APC: variants seen among roughly 807,000 people sequenced by gnomAD.
APC encodes the protein APC regulator of Wnt signaling pathway.
APC carries 72 observed loss-of-function variants against 247.0 expected under a neutral mutation model. The ratio of observed to expected loss-of-function variants is 0.29; its 90% CI spans 0.24 to 0.35. The LOEUF (loss-of-function observed/expected upper bound fraction) is 0.35, where lower values mean the gene tolerates loss of function less well. Ranked by LOEUF, APC falls within the 10% of genes least tolerant of loss-of-function variation. The pLI is 1.00. For synonymous variants in APC, 1,254 were observed against 1,162.5 expected, an observed-to-expected ratio of 1.08 and a Z score of -1.60; for missense variants, 3,400 against 3,360.7, an observed-to-expected ratio of 1.01 and a Z score of -0.29.
intron 1 of APC, among the ~76,000 whole-genome samples, chr5:112,708,285 G>A (rs565445911): frequency 5.3e-5 from 8 of 152,290 alleles, no homozygotes; most frequent in African/African-American, 1.9e-4. Flanking sequence ...CTGATAGCCC[G>A]GCATGTGGAG....
chr5:112,737,113 A>T (rs2149680566), upstream of APC, among the ~76,000 whole-genome samples: 1 of 152,338 alleles, frequency 6.6e-6, no homozygotes, highest in Non-Finnish European at 1.5e-5. Flanking sequence ...AATTTGCATT[A>T]AAATACTACA....
chr5:112,793,872 A>C (rs1420929780), intron 7 of APC, among the ~76,000 whole-genome samples: 1 of 152,198 alleles, frequency 6.6e-6, no homozygotes, highest in African/African-American at 2.4e-5. Flanking sequence ...ACTGGGGATA[A>C]AAAGAATATT....
chr5:112,732,312 A>T (rs1025694205), intron 1 of APC, among the ~76,000 whole-genome samples: 12 of 152,224 alleles, frequency 7.9e-5, no homozygotes, highest in Non-Finnish European at 1.3e-4. Flanking sequence ...CTGGCAGCAC[A>T]TACCAAAGCT....
intron 2 of APC, among the ~76,000 whole-genome samples, chr5:112,757,145 C>A (rs1405135051): frequency 6.6e-6 from 1 of 152,092 alleles, no homozygotes; most frequent in Non-Finnish European, 1.5e-5. Context: ...CTTGTGAATC[C>A]ATTAACATAT....
chr5:112,762,975 T>C (rs796693356), intron 2 of APC, among the ~76,000 whole-genome samples: 3 of 152,328 alleles, frequency 2.0e-5, no homozygotes, highest in African/African-American at 7.2e-5. Context: ...TACACAGATT[T>C]TGTTGATGAG....
intron 1 of APC, chr5:112,738,275 C>G (rs979704548): frequency 5.1e-6 from 5 of 985,222 alleles, no homozygotes; most frequent in South Asian, 4.7e-5. Flanking sequence ...TAGAGGACAA[C>G]AAAGAATGGA....
At chr5:112,721,887 G>A (rs1751501454) in intron 1 of APC, among the ~76,000 whole-genome samples, 1 of 151,894 alleles carries the variant, frequency 6.6e-6, no homozygotes, top group Admixed American at 6.6e-5. Context: ...AAAAAAAATT[G>A]CAGGAAAAAA....
chr5:112,833,594 G>A (rs954356188), intron 14 of APC, among the ~76,000 whole-genome samples: 37 of 152,264 alleles, frequency 2.4e-4, no homozygotes, highest in African/African-American at 8.7e-4. Context: ...AAAGTGCTGG[G>A]CCTGAAGGCA....
chr5:112,772,540 G>A (rs1182269638), intron 4 of APC, among the ~76,000 whole-genome samples: 3 of 139,210 alleles, frequency 2.2e-5, no homozygotes, highest in Middle Eastern at 3.9e-3. Flanking sequence ...TTTTTAAGAC[G>A]AAATCTCACT....
chr5:112,816,357 C>T (rs1167639953), intron 9 of APC, among the ~76,000 whole-genome samples: 3 of 152,144 alleles, frequency 2.0e-5, no homozygotes, highest in Non-Finnish European at 4.4e-5. Flanking sequence ...AGAGTGCCTG[C>T]ACATGAGTAA....
chr5:112,840,553 A>C lies in APC; in HGVS notation c.4959A>C (p.Thr1653=). 6.2e-7 allele frequency: 1 copy of C among 1,614,168 alleles called. No homozygotes were observed. Among genetic ancestry groups the C allele is most frequent in the Non-Finnish European group, 8.5e-7 (1 of 1,180,020 alleles). ...CVEGTPINFS[T]ATSLSDLTIE... is the part of the protein sequence containing the mutation. ...AAGGGACACCTATAAACTTTTCCAC[A>C]GCTACATCTCTAAGTGATCTAACAA... Residue 1653 remains threonine (T), a synonymous_variant, in exon 16 of 16, where the codon ACA becomes ACC. Transcript: ENST00000257430. This position sits in a 1 kb window ranked among gnomAD's most constrained non-coding sequence, Gnocchi z 4.1.
intron 1 of APC, among the ~76,000 whole-genome samples, chr5:112,712,584 G>A (rs538480270): frequency 2.0e-5 from 3 of 150,152 alleles, no homozygotes; most frequent in African/African-American, 7.4e-5. Context: ...TTAAGCGACC[G>A]GGGCTTGCTG....
intron 5 of APC, among the ~76,000 whole-genome samples, chr5:112,778,688 A>AGAC: frequency 6.6e-6 from 1 of 151,352 alleles, no homozygotes; most frequent in East Asian, 2.0e-4. Context: ...CTGGGACTAC[A>AGAC]GCATGCCACC....
chr5:112,822,959 C>T (rs1763291890), intron 11 of APC, among the ~76,000 whole-genome samples: 1 of 152,188 alleles, frequency 6.6e-6, no homozygotes, highest in Non-Finnish European at 1.5e-5. Context: ...AGATTTCAGG[C>T]CTGCCCTCTG....
chr5:112,828,798 A>G, intron 13 of APC, 58 bp from the exon 14 acceptor site: 1 of 1,316,352 alleles, frequency 7.6e-7, no homozygotes, highest in Non-Finnish European at 1.1e-6. Flanking sequence ...CATTAAAAAC[A>G]AAAAAGCAAC....
At chr5:112,733,826 G>A (rs1752220517), upstream of APC, among the ~76,000 whole-genome samples, 1 of 152,196 alleles carries the variant, frequency 6.6e-6, no homozygotes, top group Admixed American at 6.5e-5. Flanking sequence ...ACTCCAAACT[G>A]TCTCTGTTCC....
chr5:112,750,897 A>G (rs1175490834), intron 1 of APC, among the ~76,000 whole-genome samples: 1 of 152,182 alleles, frequency 6.6e-6, no homozygotes, highest in Non-Finnish European at 1.5e-5. Flanking sequence ...AGTGTGTTGT[A>G]TGAGGAATAG....
chr5:112,756,276 C>G (rs112101778), intron 2 of APC, among the ~76,000 whole-genome samples: 43 of 152,304 alleles, frequency 2.8e-4, no homozygotes, highest in African/African-American at 9.9e-4. Context: ...CTCTAATTAG[C>G]CTCTTCTGTG....
chr5:112,708,097 CG>C (rs1750632770), intron 1 of APC, among the ~76,000 whole-genome samples: 1 of 152,316 alleles, frequency 6.6e-6, no homozygotes, highest in East Asian at 1.9e-4. Flanking sequence ...GGGGTCGCGA[CG>C]CCCGCCGTCC....
Sources: allele counts gnomAD v4.1 joint callset (sites outside exome capture counted in the v4.1 genomes callset), GRCh38; gene constraint gnomAD v4.1.1; non-coding constraint Gnocchi (gnomAD v3.1); transcripts MANE v1.5; gene names NCBI Gene and HGNC (gene_info 2026-07-23, HGNC 2026-07-21).